HPCAL1: variants seen among roughly 807,000 people sequenced by gnomAD.
HPCAL1 encodes hippocalcin like 1.
HPCAL1 carries 8 observed loss-of-function variants against 17.1 expected under a neutral mutation model. The ratio of observed to expected loss-of-function variants is 0.47; its 90% confidence interval spans 0.27 to 0.84. HPCAL1 has a LOEUF of 0.84. HPCAL1 is among the 40% of genes least tolerant of loss of function. The pLI is 0.13. For missense variants in HPCAL1, 165 were observed against 271.1 expected, an observed-to-expected ratio of 0.61 and a Z score of 2.75; for synonymous variants, 112 against 111.4, an observed-to-expected ratio of 1.01 and a Z score of -0.03.
chr2:10,389,607 C>G (rs1437798556), intron 1 of HPCAL1, among the ~76,000 whole-genome samples: 1 of 152,228 alleles, frequency 6.6e-6, no homozygotes, highest in Non-Finnish European at 1.5e-5. Flanking sequence ...GCCACCCAGT[C>G]TATGGTAATT....
intron 1 of HPCAL1, among the ~76,000 whole-genome samples, chr2:10,328,497 G>A (rs890484426): frequency 8.5e-5 from 13 of 152,210 alleles, no homozygotes; most frequent in African/African-American, 3.1e-4. Flanking sequence ...CAGTGTGGGT[G>A]GATATCATCC....
chr2:10,382,900 A>G (rs1668052949), intron 1 of HPCAL1, among the ~76,000 whole-genome samples: 1 of 152,162 alleles, frequency 6.6e-6, no homozygotes, highest in Non-Finnish European at 1.5e-5. Flanking sequence ...TGAGCACTTG[A>G]AGCTGCGTTT....
chr2:10,425,277 C>T (rs1671334689), intron 4 of HPCAL1: 1 of 152,662 alleles, frequency 6.6e-6, no homozygotes, highest in Non-Finnish European at 1.5e-5. Flanking sequence ...TGGGGAGCCA[C>T]TCTCTCCATT....
At chr2:10,390,506 C>G (rs1668622377) in intron 1 of HPCAL1, among the ~76,000 whole-genome samples, 2 of 152,132 alleles carry the variant, frequency 1.3e-5, no homozygotes, top group African/African-American at 4.8e-5. Context: ...TGACTTCAGA[C>G]TCCATTATAA....
intron 1 of HPCAL1, among the ~76,000 whole-genome samples, chr2:10,370,287 G>A (rs1667127924): frequency 6.6e-6 from 1 of 152,242 alleles, no homozygotes; most frequent in Non-Finnish European, 1.5e-5. Flanking sequence ...TGTTGCGGGG[G>A]CACAGAGAAG....
In HPCAL1 at chr2:10,367,453, A is replaced by C. The variant is rs1666921656; in HGVS notation, c.-110-29382A>C. Among the ~76,000 whole-genome samples, 1 of 151,876 alleles carries C rather than the reference A, an allele frequency of 6.6e-6. No individual in the cohort carries two copies. The highest frequency in any genetic ancestry group is 6.6e-5 in the Admixed American group (1 of 15,248). On this transcript the variant is annotated intron_variant, in intron 1 of 4. Coordinates refer to ENST00000307845, the MANE Select transcript of HPCAL1 (RefSeq NM_002149.4). This position sits in a 1 kb window ranked among gnomAD's most constrained non-coding sequence, Gnocchi z 4.4. ...AGGTGTGCGCCACCACGCATGGCTA[A>C]TTTTTTGTAGAGATGGGATGTTGCC...
At chr2:10,409,980 C>T (rs988719236) in intron 2 of HPCAL1, among the ~76,000 whole-genome samples, 3 of 151,956 alleles carry the variant, frequency 2.0e-5, no homozygotes, top group Non-Finnish European at 2.9e-5. Context: ...TTAGTAGGGA[C>T]GGTTTCACCA....
At position 10,330,252 on chromosome 2, in the gene HPCAL1, A is replaced by C. The variant is rs1348912431; in HGVS notation, c.-111+27075A>C. 1 of 152,220 alleles carries C rather than the reference A, an allele frequency of 6.6e-6. No homozygotes were observed. Among genetic ancestry groups the C allele is most frequent in the African/African-American group, 2.4e-5 (1 of 41,444 alleles). 9.4% of individuals were successfully genotyped at this position (152,220 alleles called of 1,614,324 possible). ...AGGTCCCAGTCTAGATGCTTCTGAC[A>C]TGGACAAAAGGAGAATTCCTGACTT... On this transcript the variant is annotated intron_variant, in intron 1 of 4. Coordinates refer to ENST00000307845, the MANE Select transcript of HPCAL1 (RefSeq NM_002149.4). The surrounding 1 kb of genome is among the most constrained non-coding windows in gnomAD (Gnocchi z 4.2).
intron 1 of HPCAL1, among the ~76,000 whole-genome samples, chr2:10,379,387 G>A (rs1667797092): frequency 6.6e-6 from 1 of 151,708 alleles, no homozygotes; most frequent in South Asian, 2.1e-4. Flanking sequence ...TGTGGCCCAT[G>A]GGGCTCCTGA....
chr2:10,330,776 A>T lies in HPCAL1; in HGVS notation c.-111+27599A>T, dbSNP rs919242333. Among the ~76,000 whole-genome samples, 4 of 152,110 alleles carry T rather than the reference A, an allele frequency of 2.6e-5. No individual in the cohort carries two copies. The highest frequency in any genetic ancestry group is 9.7e-5 in the African/African-American group (4 of 41,418). ...CACATAGGGGTTTTGTGGGGGACAC[A>T]CTCAGTCCACGTTAACTCACTTCCT... On this transcript the variant is annotated intron_variant, in intron 1 of 4. Coordinates refer to ENST00000307845, the MANE Select transcript of HPCAL1 (RefSeq NM_002149.4). The surrounding 1 kb of genome is among the most constrained non-coding windows in gnomAD (Gnocchi z 4.2).
chr2:10,363,546 G>A lies in HPCAL1; in HGVS notation c.-110-33289G>A, dbSNP rs577451691. 6.6e-6 allele frequency among the ~76,000 whole-genome samples: 1 copy of A among 152,358 alleles called. No individual in the cohort carries two copies. The highest frequency in any genetic ancestry group is 2.1e-4 in the South Asian group (1 of 4,828). ...TTTCAGGTCTGGAGAGTCATGTGGT[G>A]TAGCTGTATTTCTGGGAAGTGTGTG... On this transcript the variant is annotated intron_variant, in intron 1 of 4. Transcript: ENST00000307845. The surrounding 1 kb of genome is among the most constrained non-coding windows in gnomAD (Gnocchi z 4.7).
intron 1 of HPCAL1, among the ~76,000 whole-genome samples, chr2:10,383,062 G>A (rs749826087): frequency 1.3e-5 from 2 of 152,194 alleles, no homozygotes; most frequent in Non-Finnish European, 2.9e-5. Flanking sequence ...CTTACCATTA[G>A]AGTCTGCAAC....
Position 10,359,584 on chromosome 2 carries a change from T to C in HPCAL1, c.-110-37251T>C, listed in dbSNP as rs1333811998. On this transcript the variant is annotated intron_variant, in intron 1 of 4. Coordinates refer to ENST00000307845, the MANE Select transcript of HPCAL1 (RefSeq NM_002149.4). This position sits in a 1 kb window ranked among gnomAD's most constrained non-coding sequence, Gnocchi z 4.1. ...GTGGCCTGGAGGATGAAGTCAGGGC[T>C]CTGGCCTCATTGAGGGCCTGGAACT... 6.6e-6 allele frequency among the ~76,000 whole-genome samples: 1 copy of C among 152,204 alleles called. No homozygotes were observed. Among genetic ancestry groups the C allele is most frequent in the African/African-American group, 2.4e-5 (1 of 41,468 alleles).
chr2:10,423,527 T>C (rs1216776896), intron 4 of HPCAL1: 1 of 181,626 alleles, frequency 5.5e-6, no homozygotes, highest in East Asian at 1.5e-4. Flanking sequence ...GGCCCCAGTG[T>C]CCAAGGGGAA....
intron 4 of HPCAL1, chr2:10,426,163 T>C (rs1671390341): frequency 6.5e-6 from 1 of 152,842 alleles, no homozygotes; most frequent in African/African-American, 2.4e-5. Context: ...GTCACCAGCA[T>C]TGGATGCGGA....
At chr2:10,312,812 GTCATCATCACCAT>G (rs1200072021) in intron 1 of HPCAL1, among the ~76,000 whole-genome samples, 1 of 149,152 alleles carries the variant, frequency 6.7e-6, no homozygotes, top group Non-Finnish European at 1.5e-5. Flanking sequence ...CACCATCACC[GTCATCATCACCAT>G]TCATCATCAC....
intron 1 of HPCAL1, among the ~76,000 whole-genome samples, chr2:10,374,343 A>G (rs1489148134): frequency 6.7e-6 from 1 of 148,888 alleles, no homozygotes; most frequent in South Asian, 2.1e-4. Flanking sequence ...GCCTTCTCAC[A>G]CAGTCACACA....
chr2:10,360,862 G>A (rs745825114), intron 1 of HPCAL1, among the ~76,000 whole-genome samples: 9 of 151,456 alleles, frequency 5.9e-5, no homozygotes, highest in Non-Finnish European at 1.2e-4. Flanking sequence ...CTCCTATCTG[G>A]CCTGCTTGCT....
intron 1 of HPCAL1, among the ~76,000 whole-genome samples, chr2:10,321,254 C>A (rs1229755886): frequency 6.6e-6 from 1 of 152,168 alleles, no homozygotes; most frequent in East Asian, 1.9e-4. Context: ...TGAGAACTCA[C>A]TATCTCGAGG....
Sources: gnomAD v4.1 joint callset for allele counts (sites outside exome capture counted in the v4.1 genomes callset) on GRCh38, gnomAD v4.1.1 for gene constraint, Gnocchi (gnomAD v3.1) non-coding constraint, MANE v1.5 for transcripts, NCBI Gene and HGNC (gene_info 2026-07-23, HGNC 2026-07-21) for gene names.